The following COXFA4 variants were observed in gnomAD, a reference collection of about 807,000 sequenced individuals.
COXFA4 encodes the protein cytochrome c oxidase subunit FA4.
At chr7:10,936,009 C>T in the COXFA4 span, among the ~76,000 whole-genome samples, 40 of 152,160 alleles carry the variant, frequency 2.6e-4, no homozygotes, top group African/African-American at 9.2e-4. Flanking sequence ...GTATCATTTC[C>T]TCCAACTCAT....
At chr7:10,935,316 G>A in the COXFA4 span, among the ~76,000 whole-genome samples, 1 of 152,172 alleles carries the variant, frequency 6.6e-6, no homozygotes, top group Non-Finnish European at 1.5e-5. Context: ...TACTTTTAGA[G>A]TCTCTGAAAC....
At chr7:10,932,928 C>G in the COXFA4 span, 1 of 151,560 alleles carries the variant, frequency 6.6e-6, no homozygotes, top group South Asian at 2.1e-4. Context: ...CATGTTTGTA[C>G]CACTGCACTC....
chr7:10,932,054 T>C, the COXFA4 span: 3 of 152,344 alleles, frequency 2.0e-5, no homozygotes, highest in East Asian at 5.8e-4. Context: ...TGCCAAAGGA[T>C]CTAGAGTAAT....
the COXFA4 span, chr7:10,938,955 G>A: frequency 8.6e-4 from 1,099 of 1,271,000 alleles, no homozygotes; most frequent in Non-Finnish European, 1.1e-3. Context: ...TGGCCAACGA[G>A]AGATTACAGT....
chr7:10,939,947 A>C, the COXFA4 span: 1 of 1,561,854 alleles, frequency 6.4e-7, no homozygotes, highest in East Asian at 2.2e-5. Context: ...GTTCCCAGGG[A>C]ACAGAAAGAG....
chr7:10,940,150 T>C, the COXFA4 span: 1 of 1,305,726 alleles, frequency 7.7e-7, no homozygotes, highest in Non-Finnish European at 1.1e-6. Context: ...CACTACGGAC[T>C]TCCAAAGTCA....
At chr7:10,936,733 G>A in the COXFA4 span, among the ~76,000 whole-genome samples, 1 of 152,128 alleles carries the variant, frequency 6.6e-6, no homozygotes, top group Non-Finnish European at 1.5e-5. Flanking sequence ...CACAAAGGGT[G>A]ATGTTAAAAG....
the COXFA4 span, chr7:10,933,456 T>C: frequency 1.1e-5 from 6 of 558,672 alleles, no homozygotes; most frequent in East Asian, 2.9e-5. Flanking sequence ...GTGACACATA[T>C]CAAGTTTCAG....
At chr7:10,936,349 T>C in the COXFA4 span, among the ~76,000 whole-genome samples, 2 of 152,232 alleles carry the variant, frequency 1.3e-5, no homozygotes, top group Non-Finnish European at 2.9e-5. Flanking sequence ...TTTCAGAACA[T>C]TAGTAGACTG....
chr7:10,937,768 T>A, the COXFA4 span: 1 of 277,438 alleles, frequency 3.6e-6, no homozygotes, highest in East Asian at 7.6e-5. Context: ...TCTCTGGGGA[T>A]AAGGCTGAAG....
the COXFA4 span, among the ~76,000 whole-genome samples, chr7:10,934,292 G>A: frequency 7.8e-3 from 1,157 of 148,956 alleles, 22 homozygotes; most frequent in African/African-American, 0.028. Context: ...TAAATAATAC[G>A]GTATTTTTGC....
At chr7:10,940,034 C>A in the COXFA4 span, 1 of 1,613,916 alleles carries the variant, frequency 6.2e-7, no homozygotes. Flanking sequence ...GCTTCTTGGC[C>A]TGACCGATGA....
the COXFA4 span, chr7:10,938,503 T>A: frequency 7.1e-6 from 3 of 420,986 alleles, no homozygotes; most frequent in South Asian, 9.6e-5. Flanking sequence ...GCAAAAAACA[T>A]TTACATGTGC....
chr7:10,933,348 G>T, the COXFA4 span: 1 of 370,006 alleles, frequency 2.7e-6, no homozygotes, highest in Non-Finnish European at 4.9e-6. Context: ...GCAGCTTAAA[G>T]TCGTATTTTC....
the COXFA4 span, among the ~76,000 whole-genome samples, chr7:10,934,719 CTT>C: frequency 2.6e-5 from 4 of 152,216 alleles, no homozygotes; most frequent in Middle Eastern, 3.4e-3. Flanking sequence ...CTGAAAAACT[CTT>C]AAGTATTTTA....
chr7:10,940,086 GGA>G, the COXFA4 span: 1 of 1,612,274 alleles, frequency 6.2e-7, no homozygotes, highest in Non-Finnish European at 8.5e-7. Context: ...CGACTGGAAA[GGA>G]GAGAACCGAC....
chr7:10,937,037 A>C, the COXFA4 span, among the ~76,000 whole-genome samples: 1 of 152,072 alleles, frequency 6.6e-6, no homozygotes, highest in African/African-American at 2.4e-5. Context: ...CTCTGTCTCC[A>C]ACAACAACAA....
the COXFA4 span, among the ~76,000 whole-genome samples, chr7:10,936,448 G>A: frequency 6.6e-6 from 1 of 152,152 alleles, no homozygotes; most frequent in Non-Finnish European, 1.5e-5. Flanking sequence ...ATCAAAGCCT[G>A]CTAGTTTTTT....
chr7:10,939,888 G>C, the COXFA4 span: 1 of 1,035,156 alleles, frequency 9.7e-7, no homozygotes, highest in South Asian at 1.3e-5. Flanking sequence ...CAAACACTAG[G>C]CGAGGCAGGG....
Sources: gnomAD v4.1 joint callset for allele counts (sites outside exome capture counted in the v4.1 genomes callset) on GRCh38, gnomAD v4.1.1 for gene constraint, MANE v1.5 for transcripts, NCBI Gene and HGNC (gene_info 2026-07-23, HGNC 2026-07-21) for gene names.